Variants in SAMD5 observed in about 807,000 individuals in gnomAD.
The protein encoded by SAMD5 is sterile alpha motif domain containing 5.
SAMD5 carries 13 observed loss-of-function variants against 11.3 expected under a neutral mutation model. The observed-to-expected ratio is 1.15, with a 90% CI of 0.75 to 1.83. The LOEUF (loss-of-function observed/expected upper bound fraction) is 1.83. Among genes scored for constraint, SAMD5 ranks in the 40% most tolerant of loss-of-function variants. The pLI is 0.00. For missense variants in SAMD5, 255 were observed against 239.1 expected (o/e 1.07, Z -0.44); for synonymous variants, 129 against 111.3 (o/e 1.16, Z -1.00).
the SAMD5 span, among the ~76,000 whole-genome samples, chr6:147,766,117 AC>A: frequency 1.7e-3 from 217 of 129,012 alleles, no homozygotes; most frequent in South Asian, 8.6e-3. Context: ...AAAAAAAAAC[AC>A]AAAAAAAGAA....
the SAMD5 span, among the ~76,000 whole-genome samples, chr6:147,882,793 T>C: frequency 6.6e-6 from 1 of 152,212 alleles, no homozygotes; most frequent in Non-Finnish European, 1.5e-5. Flanking sequence ...ATATAGATCT[T>C]GTGTACATAT....
the SAMD5 span, among the ~76,000 whole-genome samples, chr6:147,795,875 T>C: frequency 7.9e-5 from 12 of 152,296 alleles, no homozygotes; most frequent in East Asian, 2.1e-3. Context: ...TTTTGAGAAG[T>C]GTCTGTTCAT....
chr6:147,783,093 T>A, the SAMD5 span, among the ~76,000 whole-genome samples: 3 of 152,162 alleles, frequency 2.0e-5, no homozygotes, highest in Non-Finnish European at 4.4e-5. Flanking sequence ...ATAATACAAA[T>A]CTTCATATTA....
intron 1 of SAMD5, among the ~76,000 whole-genome samples, chr6:147,623,373 C>T (rs944243293): frequency 2.0e-5 from 3 of 152,188 alleles, no homozygotes; most frequent in Non-Finnish European, 1.5e-5. Context: ...TATTAATAGT[C>T]AAGTCACTAC....
intron 1 of SAMD5, among the ~76,000 whole-genome samples, chr6:147,638,524 G>A (rs1415371802): frequency 6.6e-6 from 1 of 152,214 alleles, no homozygotes; most frequent in African/African-American, 2.4e-5. Context: ...GTGTGATCGT[G>A]TTGATGTTTT....
intron 1 of SAMD5, among the ~76,000 whole-genome samples, chr6:147,600,186 G>A (rs1271352460): frequency 6.6e-6 from 1 of 152,182 alleles, no homozygotes; most frequent in African/African-American, 2.4e-5. Context: ...CCAGTGGAAA[G>A]GGTCGTAGGA....
chr6:147,828,465 A>AC, the SAMD5 span, among the ~76,000 whole-genome samples: 1 of 152,136 alleles, frequency 6.6e-6, no homozygotes, highest in Non-Finnish European at 1.5e-5. Flanking sequence ...GGAAAGGCAG[A>AC]CCCACCCTCA....
At position 147,697,586 on chromosome 6, in the gene SAMD5, A is replaced by G. The variant is rs148946352; in HGVS notation, c.163-39731A>G. ...TTAATTATTTTTGTTGTACTAAATC[A>G]TGTATGTTGCAGCTTAACAATAAAA... On this transcript the variant is annotated intron_variant, in intron 1 of 1. Transcript: ENST00000566741. Among the ~76,000 whole-genome samples, 607 of 152,310 alleles carry G rather than the reference A, an allele frequency of 4.0e-3. 3 individuals are homozygous for G. The highest frequency in any genetic ancestry group is 0.014 in the African/African-American group (584 of 41,552).
At chr6:147,938,074 T>G in the SAMD5 span, among the ~76,000 whole-genome samples, 15,516 of 152,222 alleles carry the variant, frequency 0.1, 1,069 homozygotes, top group South Asian at 0.29. Context: ...GAGTCTTCAA[T>G]GAACCTATGC....
At chr6:147,943,700 C>G in the SAMD5 span, among the ~76,000 whole-genome samples, 1 of 152,104 alleles carries the variant, frequency 6.6e-6, no homozygotes, top group East Asian at 1.9e-4. Flanking sequence ...CTCTCCTGTT[C>G]TCTGCTATAT....
chr6:147,919,386 T>A, the SAMD5 span, among the ~76,000 whole-genome samples: 1,319 of 152,264 alleles, frequency 8.7e-3, 20 homozygotes, highest in African/African-American at 0.029. Flanking sequence ...TTTTAATATT[T>A]GAAATGAGAA....
the SAMD5 span, among the ~76,000 whole-genome samples, chr6:147,790,071 C>G: frequency 6.6e-6 from 1 of 152,188 alleles, no homozygotes; most frequent in East Asian, 1.9e-4. Flanking sequence ...AGTTGTGCTC[C>G]TAAGTCTTTA....
intron 1 of SAMD5, among the ~76,000 whole-genome samples, chr6:147,530,002 G>T (rs1788402891): frequency 6.6e-6 from 1 of 152,200 alleles, no homozygotes; most frequent in Non-Finnish European, 1.5e-5. Context: ...GTCATGTGCA[G>T]TTGGGATTCT....
At chr6:147,908,041 ACT>A in the SAMD5 span, among the ~76,000 whole-genome samples, 2,010 of 152,060 alleles carry the variant, frequency 0.013, 42 homozygotes, top group African/African-American at 0.046. Flanking sequence ...ATCATTGACA[ACT>A]CTGTTTTCTT....
intron 1 of SAMD5, among the ~76,000 whole-genome samples, chr6:147,585,831 A>G (rs1789365847): frequency 6.6e-6 from 1 of 152,216 alleles, no homozygotes; most frequent in Admixed American, 6.5e-5. Flanking sequence ...GAGAGAGAAT[A>G]TATACATACA....
intron 1 of SAMD5, among the ~76,000 whole-genome samples, chr6:147,529,938 A>C (rs1408368339): frequency 6.6e-6 from 1 of 152,236 alleles, no homozygotes; most frequent in East Asian, 1.9e-4. Context: ...TTATAAGAAT[A>C]AAGTTAGTAA....
the SAMD5 span, among the ~76,000 whole-genome samples, chr6:147,757,515 A>T: frequency 1.3e-5 from 2 of 152,322 alleles, no homozygotes; most frequent in East Asian, 3.9e-4. Context: ...ATTATGTCAC[A>T]TATAAGCCAA....
chr6:147,680,229 T>C (rs987654768), intron 1 of SAMD5, among the ~76,000 whole-genome samples: 1 of 152,030 alleles, frequency 6.6e-6, no homozygotes, highest in Non-Finnish European at 1.5e-5. Flanking sequence ...ACCTTGTAGA[T>C]ATAAATGTGC....
At chr6:147,932,588 T>TTGTGTG in the SAMD5 span, among the ~76,000 whole-genome samples, 86 of 131,170 alleles carry the variant, frequency 6.6e-4, no homozygotes, top group Middle Eastern at 0.012. Context: ...TCTTACAGAA[T>TTGTGTG]TGTGTGTGTG....
Sources: allele counts gnomAD v4.1 joint callset (sites outside exome capture counted in the v4.1 genomes callset), GRCh38; gene constraint gnomAD v4.1.1; transcripts MANE v1.5; gene names NCBI Gene and HGNC (gene_info 2026-07-23, HGNC 2026-07-21).